LRRC4C: variants seen among roughly 807,000 people sequenced by gnomAD.
The protein encoded by LRRC4C is leucine-rich repeat-containing protein 4C.
LRRC4C carries 5 observed loss-of-function variants against 33.6 expected under a neutral mutation model. That is an observed-to-expected ratio of 0.15 (90% CI 0.08 to 0.31). The LOEUF (loss-of-function observed/expected upper bound fraction) is 0.31, where lower values mean the gene tolerates loss of function less well. Ranked by LOEUF, LRRC4C falls within the 10% of genes least tolerant of loss-of-function variation. LRRC4C has a pLI of 1.00. For missense variants in LRRC4C, 560 were observed against 796.7 expected (o/e 0.70, Z 3.58); for synonymous variants, 329 against 302.0 (o/e 1.09, Z -0.93).
intron 3 of LRRC4C, among the ~76,000 whole-genome samples, chr11:40,448,180 C>A (rs1003583836): frequency 6.6e-6 from 1 of 152,066 alleles, no homozygotes; most frequent in Admixed American, 6.6e-5. Flanking sequence ...GATTGGAATG[C>A]CTCTAGATAA....
At chr11:40,246,841 T>C (rs1278816567) in intron 4 of LRRC4C, among the ~76,000 whole-genome samples, 3 of 152,208 alleles carry the variant, frequency 2.0e-5, no homozygotes, top group African/African-American at 7.2e-5. Context: ...TATATGTTCA[T>C]ATTTCTTCTA....
chr11:40,838,047 T>C (rs1167530019), intron 2 of LRRC4C, among the ~76,000 whole-genome samples: 1 of 152,136 alleles, frequency 6.6e-6, no homozygotes, highest in African/African-American at 2.4e-5. Flanking sequence ...ATTGGCTGCT[T>C]TTAGGGCTTT....
intron 1 of LRRC4C, among the ~76,000 whole-genome samples, chr11:41,224,573 A>G (rs542998459): frequency 7.2e-5 from 11 of 152,306 alleles, no homozygotes; most frequent in Admixed American, 1.3e-4. Flanking sequence ...TAATAGGTTT[A>G]GAACTTAGAA....
chr11:41,230,465 C>T (rs532422549), intron 1 of LRRC4C, among the ~76,000 whole-genome samples: 7 of 152,160 alleles, frequency 4.6e-5, no homozygotes, highest in South Asian at 2.1e-4. Flanking sequence ...CTTACCATTA[C>T]GGATGCCTTA....
intron 3 of LRRC4C, among the ~76,000 whole-genome samples, chr11:40,447,876 G>A (rs182205871): frequency 3.0e-4 from 45 of 152,282 alleles, no homozygotes; most frequent in African/African-American, 9.6e-4. Flanking sequence ...GAGTGCAATG[G>A]TGTGATCTTG....
intron 1 of LRRC4C, among the ~76,000 whole-genome samples, chr11:41,268,661 G>T (rs1411719710): frequency 6.6e-6 from 1 of 151,860 alleles, no homozygotes; most frequent in Middle Eastern, 3.2e-3. Flanking sequence ...AACAGTTTGG[G>T]ATACAAATAT....
At chr11:40,877,423 C>T (rs1279664623) in intron 2 of LRRC4C, among the ~76,000 whole-genome samples, 1 of 152,118 alleles carries the variant, frequency 6.6e-6, no homozygotes, top group East Asian at 1.9e-4. Context: ...GCATTGTTGC[C>T]TCGTTGTCAA....
At chr11:40,733,795 A>G (rs79353244) in intron 2 of LRRC4C, among the ~76,000 whole-genome samples, 4 of 152,260 alleles carry the variant, frequency 2.6e-5, no homozygotes, top group African/African-American at 9.6e-5. Context: ...AATACCCATT[A>G]CTCATTCATT....
intron 1 of LRRC4C, among the ~76,000 whole-genome samples, chr11:41,439,335 T>C (rs933585977): frequency 7.9e-5 from 12 of 152,184 alleles, no homozygotes; most frequent in Non-Finnish European, 1.2e-4. Context: ...TGCTGCAATA[T>C]ACATACAATT....
At chr11:41,347,504 A>G (rs890982606) in intron 1 of LRRC4C, among the ~76,000 whole-genome samples, 6 of 152,202 alleles carry the variant, frequency 3.9e-5, no homozygotes, top group Admixed American at 6.5e-5. Flanking sequence ...AAATTTTCAA[A>G]TTTCAAGGGT....
chr11:40,419,707 C>T (rs2137726116), intron 3 of LRRC4C, among the ~76,000 whole-genome samples: 1 of 152,108 alleles, frequency 6.6e-6, no homozygotes, highest in South Asian at 2.1e-4. Flanking sequence ...TGCTTTTCAC[C>T]AATAGAGGGG....
intron 1 of LRRC4C, among the ~76,000 whole-genome samples, chr11:41,234,852 T>C (rs1947949893): frequency 6.6e-6 from 1 of 151,982 alleles, no homozygotes; most frequent in African/African-American, 2.4e-5. Flanking sequence ...AACTTGTAAG[T>C]AGTGAAGGTG....
chr11:40,244,747 C>A, intron 4 of LRRC4C, among the ~76,000 whole-genome samples: 1 of 151,012 alleles, frequency 6.6e-6, no homozygotes, highest in African/African-American at 2.4e-5. Flanking sequence ...TTTTTTTGGC[C>A]CTGAAGTACA....
chr11:40,184,725 G>A (rs187196365), intron 5 of LRRC4C, among the ~76,000 whole-genome samples: 9 of 152,258 alleles, frequency 5.9e-5, no homozygotes, highest in Admixed American at 2.6e-4. Context: ...TCACTATCTC[G>A]AAAGAAGAGA....
chr11:41,079,132 T>C (rs936418173), intron 1 of LRRC4C, among the ~76,000 whole-genome samples: 2 of 152,196 alleles, frequency 1.3e-5, no homozygotes, highest in African/African-American at 2.4e-5. Context: ...TCTTTGGCCA[T>C]AGGTGATCTC....
intron 3 of LRRC4C, among the ~76,000 whole-genome samples, chr11:40,396,149 A>T (rs191809855): frequency 2.0e-5 from 3 of 152,146 alleles, no homozygotes; most frequent in Non-Finnish European, 4.4e-5. Flanking sequence ...TCACATTAAG[A>T]AAGTCTATTC....
At chr11:40,294,508 A>G (rs1455534578) in intron 4 of LRRC4C, among the ~76,000 whole-genome samples, 3 of 152,076 alleles carry the variant, frequency 2.0e-5, no homozygotes, top group Non-Finnish European at 4.4e-5. Flanking sequence ...AGTCAAGCAC[A>G]CTGGTCCCAA....
Position 40,418,528 on chromosome 11 carries a change from C to T in LRRC4C, c.-269-98807G>A, listed in dbSNP as rs1299374596. ...TTGTTGGTGGGAATGTAAATTAGTT[C>T]AACCATTGTGGAGGACACTGTGGTG... On this transcript the variant is annotated intron_variant, in intron 3 of 6. Transcript: ENST00000528697. Among the ~76,000 whole-genome samples, 5 of 152,156 alleles carry T rather than the reference C, an allele frequency of 3.3e-5. No individual in the cohort carries two copies. In the South Asian group the frequency reaches 1.0e-3, roughly 32 times the overall value.
At chr11:40,434,494 C>T (rs1054989302) in intron 3 of LRRC4C, among the ~76,000 whole-genome samples, 1 of 152,188 alleles carries the variant, frequency 6.6e-6, no homozygotes, top group Non-Finnish European at 1.5e-5. Context: ...GCTCAGTGCT[C>T]AGCAAGTAGA....
Sources: allele counts gnomAD v4.1 joint callset (sites outside exome capture counted in the v4.1 genomes callset), GRCh38; gene constraint gnomAD v4.1.1; transcripts MANE v1.5; gene names NCBI Gene and HGNC (gene_info 2026-07-23, HGNC 2026-07-21).